DLG2: variants seen among roughly 807,000 people sequenced by gnomAD.
The protein encoded by DLG2 is disks large homolog 2.
Under a neutral mutation model 132.5 loss-of-function variants are expected in DLG2, and 45 were observed. The observed-to-expected ratio is 0.34, with a 90% CI of 0.27 to 0.44. The LOEUF (loss-of-function observed/expected upper bound fraction) is 0.44, where lower values mean the gene tolerates loss of function less well. Among genes scored for constraint, DLG2 ranks in the 20% least tolerant of loss-of-function variants. DLG2 has a pLI of 1.00. For missense variants in DLG2, 1,045 were observed against 1,196.9 expected (o/e 0.87, Z 1.87); for synonymous variants, 424 against 419.6 (o/e 1.01, Z -0.13).
At chr11:84,004,710 A>G (rs988408258) in intron 11 of DLG2, among the ~76,000 whole-genome samples, 1 of 152,024 alleles carries the variant, frequency 6.6e-6, no homozygotes, top group Non-Finnish European at 1.5e-5. Context: ...ACCTAGGAAC[A>G]GATTTAACCA....
chr11:83,887,848 C>A (rs1349252478), intron 15 of DLG2, among the ~76,000 whole-genome samples: 2 of 146,276 alleles, frequency 1.4e-5, no homozygotes, highest in Admixed American at 6.8e-5. Context: ...AAGACAAAAA[C>A]CACAGGATTA....
intron 3 of DLG2, among the ~76,000 whole-genome samples, chr11:85,506,490 G>A (rs2093936828): frequency 6.6e-6 from 1 of 152,130 alleles, no homozygotes; most frequent in Admixed American, 6.6e-5. Context: ...AATCATTCAG[G>A]AGCAAGTTGT....
intron 18 of DLG2, among the ~76,000 whole-genome samples, chr11:83,779,355 C>T (rs1416313790): frequency 6.6e-6 from 1 of 152,062 alleles, no homozygotes; most frequent in Non-Finnish European, 1.5e-5. Context: ...CAATAGTTGC[C>T]TACACTTACA....
chr11:83,864,809 T>C (rs893373200), intron 16 of DLG2, among the ~76,000 whole-genome samples: 4 of 142,386 alleles, frequency 2.8e-5, no homozygotes, highest in South Asian at 2.2e-4. Flanking sequence ...GATTGAAATA[T>C]ATGCAGAAAA....
At chr11:83,483,567 C>T (rs904677468) in intron 22 of DLG2, among the ~76,000 whole-genome samples, 2 of 152,108 alleles carry the variant, frequency 1.3e-5, no homozygotes, top group African/African-American at 4.8e-5. Context: ...AATTTTTTGA[C>T]CATGGTCAAT....
At chr11:85,193,344 T>C (rs756446639) in intron 4 of DLG2, among the ~76,000 whole-genome samples, 1 of 152,218 alleles carries the variant, frequency 6.6e-6, no homozygotes, top group South Asian at 2.1e-4. Flanking sequence ...ATCTCTATTT[T>C]TGGCTATTAT....
chr11:85,015,253 A>G (rs146295718), intron 6 of DLG2, among the ~76,000 whole-genome samples: 190 of 152,234 alleles, frequency 1.2e-3, no homozygotes, highest in African/African-American at 4.4e-3. Context: ...TTCATTTGCT[A>G]TGTTTTAGGT....
intron 16 of DLG2, among the ~76,000 whole-genome samples, chr11:83,853,554 T>C (rs1435686431): frequency 6.6e-6 from 1 of 152,156 alleles, no homozygotes; most frequent in Non-Finnish European, 1.5e-5. Context: ...GCCAGAACAC[T>C]AAAGTTATAA....
At chr11:84,300,359 A>G (rs1028296648) in intron 7 of DLG2, among the ~76,000 whole-genome samples, 13 of 151,358 alleles carry the variant, frequency 8.6e-5, no homozygotes, top group Non-Finnish European at 1.5e-4. Context: ...TATCAGGGTG[A>G]AAAAAAAAGA....
intron 6 of DLG2, among the ~76,000 whole-genome samples, chr11:85,010,377 C>T (rs2059050481): frequency 6.6e-6 from 1 of 151,910 alleles, no homozygotes; most frequent in African/African-American, 2.4e-5. Context: ...GCATCCTTAC[C>T]ACCTAAAGAC....
intron 7 of DLG2, among the ~76,000 whole-genome samples, chr11:84,478,967 C>T (rs2099129384): frequency 6.6e-6 from 1 of 152,048 alleles, no homozygotes; most frequent in Admixed American, 6.5e-5. Flanking sequence ...ATAGGTGTTA[C>T]ATTATTTGTG....
chr11:85,622,699 C>A (rs1026647408), intron 2 of DLG2, among the ~76,000 whole-genome samples: 1 of 151,256 alleles, frequency 6.6e-6, no homozygotes, highest in Non-Finnish European at 1.5e-5. Flanking sequence ...AATTTAAGAA[C>A]TGTGAGTCCA....
At chr11:84,740,276 C>T (rs1349858317) in intron 6 of DLG2, among the ~76,000 whole-genome samples, 1 of 151,956 alleles carries the variant, frequency 6.6e-6, no homozygotes, top group Non-Finnish European at 1.5e-5. Context: ...TCCTTCCAAG[C>T]AGATCAGCAC....
At chr11:84,034,844 T>C (rs952337311) in intron 11 of DLG2, among the ~76,000 whole-genome samples, 2 of 152,192 alleles carry the variant, frequency 1.3e-5, no homozygotes, top group African/African-American at 4.8e-5. Flanking sequence ...AGAAGCCACC[T>C]GGTATCTTTT....
At chr11:85,271,302 C>T (rs562970296) in intron 4 of DLG2, among the ~76,000 whole-genome samples, 51 of 152,314 alleles carry the variant, frequency 3.3e-4, no homozygotes, top group African/African-American at 1.0e-3. Flanking sequence ...TGGAAACCTC[C>T]GCCTAGATTT....
chr11:84,810,925 G>A (rs185603974), intron 6 of DLG2, among the ~76,000 whole-genome samples: 1 of 152,226 alleles, frequency 6.6e-6, no homozygotes, highest in Admixed American at 6.5e-5. Flanking sequence ...AGATTAAGAA[G>A]AGACTAAAAG....
chr11:84,791,125 CACTT>C (rs919814797), intron 6 of DLG2, among the ~76,000 whole-genome samples: 2 of 152,140 alleles, frequency 1.3e-5, no homozygotes, highest in Non-Finnish European at 2.9e-5. Flanking sequence ...AACTGTCAAA[CACTT>C]ACAAAACCAT....
chr11:83,562,880 G>T (rs1404932554), intron 19 of DLG2, among the ~76,000 whole-genome samples: 3 of 150,716 alleles, frequency 2.0e-5, no homozygotes, highest in African/African-American at 7.3e-5. Context: ...TTACCAATCT[G>T]CATCTGGTCT....
chr11:84,642,092 A>AGT (rs34226746), intron 6 of DLG2, among the ~76,000 whole-genome samples: 28,568 of 138,922 alleles, frequency 0.21, 3,178 homozygotes, highest in African/African-American at 0.33. Context: ...GTATATGTAG[A>AGT]GTGTGTGTGT....
Sources: allele counts gnomAD v4.1 joint callset (sites outside exome capture counted in the v4.1 genomes callset), GRCh38; gene constraint gnomAD v4.1.1; transcripts MANE v1.5; gene names NCBI Gene and HGNC (gene_info 2026-07-23, HGNC 2026-07-21).